Variants in GALNT17 observed in about 807,000 individuals in gnomAD.
The protein encoded by GALNT17 is UDP-GalNAc:polypeptide N-acetylgalactosaminyltransferase-like 3.
Under a neutral mutation model 63.7 loss-of-function variants are expected in GALNT17, and 29 were observed. The ratio of observed to expected loss-of-function variants is 0.46; its 90% CI spans 0.34 to 0.62. The LOEUF is 0.62. Among genes scored for constraint, GALNT17 ranks in the 20% least tolerant of loss-of-function variants. The pLI, the probability that GALNT17 is intolerant of heterozygous loss-of-function variation, is 0.01. For missense variants in GALNT17, 603 were observed against 799.6 expected, an observed-to-expected ratio of 0.75 and a Z score of 2.97; for synonymous variants, 305 against 318.3, an observed-to-expected ratio of 0.96 and a Z score of 0.45.
intron 2 of GALNT17, among the ~76,000 whole-genome samples, chr7:71,371,172 A>G (rs572960802): frequency 6.6e-6 from 1 of 152,276 alleles, no homozygotes; most frequent in Non-Finnish European, 1.5e-5. Context: ...TGTCATGCCC[A>G]TGTGAAAATC....
At chr7:71,210,341 T>A (rs1380811819) in intron 1 of GALNT17, among the ~76,000 whole-genome samples, 1 of 152,082 alleles carries the variant, frequency 6.6e-6, no homozygotes, top group Non-Finnish European at 1.5e-5. Flanking sequence ...ACCGGATCAT[T>A]GCCCAAGTTG....
At chr7:71,702,055 A>C (rs989657223) in intron 9 of GALNT17, among the ~76,000 whole-genome samples, 5 of 151,496 alleles carry the variant, frequency 3.3e-5, no homozygotes, top group Non-Finnish European at 7.4e-5. Context: ...ACCTAATACC[A>C]CATGTTCTCA....
chr7:71,395,574 A>G lies in GALNT17; in HGVS notation c.589+7173A>G, dbSNP rs886293709. On this transcript the variant is annotated intron_variant, in intron 3 of 10. Transcript: ENST00000333538. ...TTCATGTACACATTTTTGTTTGGAT[A>G]TGTTTTCAGTTTTCTTGGGTACATA... Among the ~76,000 whole-genome samples, 8 of 152,254 alleles carry G rather than the reference A, an allele frequency of 5.3e-5. No individual in the cohort carries two copies. In the East Asian group the frequency reaches 1.4e-3, roughly 26 times the overall value.
chr7:71,418,486 C>T (rs908115049), intron 4 of GALNT17, among the ~76,000 whole-genome samples: 1 of 152,168 alleles, frequency 6.6e-6, no homozygotes, highest in South Asian at 2.1e-4. Flanking sequence ...CTTGATTTCT[C>T]CTCTGTGTTC....
Position 71,141,825 on chromosome 7 carries a change from C to T in GALNT17, c.238+8785C>T, listed in dbSNP as rs190511835. Among the ~76,000 whole-genome samples the T allele has an allele frequency of 4.4e-3, 644 of 146,734 alleles. 7 individuals carry two copies. Among genetic ancestry groups the T allele is most frequent in the Non-Finnish European group, 4.8e-3 (321 of 67,060 alleles). On this transcript the variant is annotated intron_variant, in intron 1 of 10. Coordinates refer to ENST00000333538, the MANE Select transcript of GALNT17 (RefSeq NM_022479.3). ...CTTGGTAGCTGGGATTACAGGTATG[C>T]GCCACCACGTCTGGCTGTGTGTGTG...
intron 1 of GALNT17, among the ~76,000 whole-genome samples, chr7:71,198,475 C>T (rs1333221187): frequency 6.6e-6 from 1 of 152,178 alleles, no homozygotes; most frequent in African/African-American, 2.4e-5. Context: ...TGGTCCTTCG[C>T]TAGAGAGATC....
intron 6 of GALNT17, among the ~76,000 whole-genome samples, chr7:71,582,358 A>G (rs1468479677): frequency 6.6e-6 from 1 of 151,410 alleles, no homozygotes; most frequent in Admixed American, 6.6e-5. Context: ...GCAGATCACG[A>G]GATCAGGAGA....
intron 9 of GALNT17, among the ~76,000 whole-genome samples, chr7:71,692,628 A>T (rs73354190): frequency 0.052 from 7,951 of 152,216 alleles, 716 homozygotes; most frequent in African/African-American, 0.18. Context: ...TCATAGTGAG[A>T]TATGTACACA....
chr7:71,303,255 G>A (rs997024379), intron 1 of GALNT17, among the ~76,000 whole-genome samples: 1 of 151,958 alleles, frequency 6.6e-6, no homozygotes, highest in Admixed American at 6.6e-5. Flanking sequence ...CTGGGCTCAA[G>A]AGATTTTCCC....
intron 1 of GALNT17, among the ~76,000 whole-genome samples, chr7:71,138,696 G>A (rs1291379824): frequency 1.3e-5 from 2 of 152,156 alleles, no homozygotes; most frequent in East Asian, 1.9e-4. Flanking sequence ...CCTAGTGGTC[G>A]GGCACAGTGG....
In GALNT17 at chr7:71,640,886, G is replaced by A. The variant is rs1046873602; in HGVS notation, c.1081-24525G>A. On this transcript the variant is annotated intron_variant, in intron 6 of 10. Transcript: ENST00000333538. ...AAACTAAAAACATTATTCCGAGAAG[G>A]GATCCACAGTTTTCACCAGATGCCA... 2.0e-5 allele frequency among the ~76,000 whole-genome samples: 3 copies of A among 151,972 alleles called. No homozygotes were observed. The South Asian group carries it at 6.3e-4, about 32-fold the overall frequency.
intron 1 of GALNT17, among the ~76,000 whole-genome samples, chr7:71,277,646 T>C (rs1220465408): frequency 6.6e-6 from 1 of 152,176 alleles, no homozygotes; most frequent in Non-Finnish European, 1.5e-5. Flanking sequence ...ACCTGGGCAC[T>C]TTACAGACGT....
intron 5 of GALNT17, among the ~76,000 whole-genome samples, chr7:71,481,531 C>T (rs1233284284): frequency 6.6e-6 from 1 of 152,162 alleles, no homozygotes; most frequent in Non-Finnish European, 1.5e-5. Flanking sequence ...TCCCAGAATT[C>T]TCTTCCTTGT....
chr7:71,686,014 G>A (rs1237738009), intron 9 of GALNT17, among the ~76,000 whole-genome samples: 3 of 129,934 alleles, frequency 2.3e-5, no homozygotes, highest in Non-Finnish European at 4.6e-5. Flanking sequence ...GAGTGCAGTG[G>A]TGCGATCTTG....
At chr7:71,279,970 T>G (rs1365224670) in intron 1 of GALNT17, among the ~76,000 whole-genome samples, 1 of 152,204 alleles carries the variant, frequency 6.6e-6, no homozygotes, top group Non-Finnish European at 1.5e-5. Context: ...ATCCTCTGGA[T>G]AGTAACCTGG....
chr7:71,692,411 C>A (rs554668310), intron 9 of GALNT17, among the ~76,000 whole-genome samples: 1 of 152,158 alleles, frequency 6.6e-6, no homozygotes, highest in South Asian at 2.1e-4. Context: ...AAAAAGGAAA[C>A]AACGTCACTG....
chr7:71,431,204 C>CTTTCT lies in GALNT17; in HGVS notation c.962+10102_962+10103insCTTTT, dbSNP rs1563087533. On this transcript the variant is annotated intron_variant, in intron 5 of 10. Transcript: ENST00000333538. ...CCCTATGAGTATTTTTTTTTCTTTT[C>CTTTCT]TTTTCTTTTTTTTTTTTTTTTTTTT... Among the ~76,000 whole-genome samples, 4 of 136,364 alleles carry CTTTCT rather than the reference C, an allele frequency of 2.9e-5. 1 individual carries two copies. The highest frequency in any genetic ancestry group is 3.0e-5 in the Non-Finnish European group (2 of 65,658). The allele number at this position is 136,364 out of a possible 152,430, so 89.5% of individuals were successfully genotyped here.
At chr7:71,599,439 G>T (rs945319621) in intron 6 of GALNT17, among the ~76,000 whole-genome samples, 17 of 152,282 alleles carry the variant, frequency 1.1e-4, no homozygotes, top group Admixed American at 5.2e-4. Flanking sequence ...GTGAAAGTGT[G>T]GTCTTGGCTA....
At chr7:71,206,958 T>A (rs1393790329) in intron 1 of GALNT17, among the ~76,000 whole-genome samples, 2 of 151,858 alleles carry the variant, frequency 1.3e-5, no homozygotes, top group Admixed American at 6.6e-5. Context: ...ACAAAAAAAA[T>A]AGCTGGGCGT....
Sources: gnomAD v4.1 joint callset for allele counts (sites outside exome capture counted in the v4.1 genomes callset) on GRCh38, gnomAD v4.1.1 for gene constraint, MANE v1.5 for transcripts, NCBI Gene and HGNC (gene_info 2026-07-23, HGNC 2026-07-21) for gene names.